NHSL1: variants seen among roughly 807,000 people sequenced by gnomAD.
NHSL1 encodes NHS-like protein 1.
NHSL1 carries 48 observed loss-of-function variants against 95.0 expected under a neutral mutation model. The ratio of observed to expected loss-of-function variants is 0.51; its 90% confidence interval spans 0.40 to 0.64. NHSL1 has a LOEUF of 0.64. Among genes scored for constraint, NHSL1 ranks in the 30% least tolerant of loss-of-function variants. The pLI is 0.00. For missense variants in NHSL1, 1,971 were observed against 2,077.7 expected, an observed-to-expected ratio of 0.95 and a Z score of 1.00; for synonymous variants, 783 against 833.9, an observed-to-expected ratio of 0.94 and a Z score of 1.05.
chr6:138,440,206 T>A (rs1025372982), intron 5 of NHSL1, among the ~76,000 whole-genome samples: 1 of 152,218 alleles, frequency 6.6e-6, no homozygotes, highest in Non-Finnish European at 1.5e-5. Flanking sequence ...GCTGGAATGC[T>A]TTAGGAAATT....
At chr6:138,448,244 G>A (rs920449136) in intron 3 of NHSL1, among the ~76,000 whole-genome samples, 3 of 152,136 alleles carry the variant, frequency 2.0e-5, no homozygotes, top group Non-Finnish European at 2.9e-5. Flanking sequence ...AGCTGGTTCT[G>A]TGACTAAGAT....
chr6:138,672,531 C>T (rs1785386417), intron 1 of NHSL1, among the ~76,000 whole-genome samples: 1 of 152,080 alleles, frequency 6.6e-6, no homozygotes, highest in African/African-American at 2.4e-5. Context: ...GTCTGTGAAG[C>T]CATCTGAGGG....
rs1344899932 is a variant in NHSL1, at chr6:138,431,217, T to C, written c.3128A>G (p.Gln1043Arg). The change falls in exon 6 of 8, where the codon CAG (glutamine) becomes CGG (arginine). Residue 1043 changes from glutamine to arginine, a missense_variant. Around this residue, in one of 3 missense-constraint regions of NHSL1, gnomAD observed 1,602 missense variants for 1,654.5 expected, o/e 0.97. Transcript: ENST00000343505. The surrounding 1 kb of genome is among the most constrained non-coding windows in gnomAD (Gnocchi z 4.0). ...CAAGGATCCCCGGGAGGATTCTGGC[T>C]GGCCAGAATTTGTGAAAGGCGGCCT... is the stretch of plus-strand genomic sequence containing the variant. ...DTRPPFTNSG[Q>R]PESSRGSLRP... 6.5e-6 allele frequency: 10 copies of C among 1,529,890 alleles called. No individual in the cohort carries two copies. In the Admixed American group the frequency reaches 1.0e-4, roughly 16 times the overall value. The allele number at this position is 1,529,890 out of a possible 1,614,324, so 94.8% of individuals were successfully genotyped here. A position where few individuals can be genotyped will look rare whatever the true frequency, so the allele number is the denominator to read the frequency against.
At chr6:138,496,441 T>C in intron 1 of NHSL1, 70 bp from the exon 2 acceptor site, 1 of 1,466,742 alleles carries the variant, frequency 6.8e-7, no homozygotes, top group South Asian at 1.2e-5. Flanking sequence ...CATCATGATG[T>C]GTTTCCATGT....
chr6:138,556,881 G>T (rs183560368), intron 1 of NHSL1, among the ~76,000 whole-genome samples: 1 of 152,164 alleles, frequency 6.6e-6, no homozygotes, highest in African/African-American at 2.4e-5. Context: ...ATAGAAATCT[G>T]GGGGATGCAA....
At chr6:138,442,985 A>G (rs1776623494) in intron 4 of NHSL1, among the ~76,000 whole-genome samples, 1 of 152,080 alleles carries the variant, frequency 6.6e-6, no homozygotes, top group Admixed American at 6.6e-5. Context: ...GACCTTTTTG[A>G]ATGGTTATTC....
chr6:138,517,277 T>C (rs1175535823), intron 1 of NHSL1, among the ~76,000 whole-genome samples: 1 of 152,238 alleles, frequency 6.6e-6, no homozygotes, highest in Admixed American at 6.5e-5. Flanking sequence ...TGGATGAATA[T>C]TTCAGTTCCT....
In NHSL1 at chr6:138,433,545, T is replaced by A. The variant is rs2128203658; in HGVS notation, c.800A>T (p.Glu267Val). 6.4e-7 allele frequency: 1 copy of A among 1,552,006 alleles called. No individual in the cohort carries two copies. Among genetic ancestry groups the A allele is most frequent in the Non-Finnish European group, 8.7e-7 (1 of 1,147,068 alleles). ...SETRDSSCQT[E>V]DVKVVPPSMR... ...GGAAGGTGGTACGACCTTCACATCC[T>A]CCGTCTGACAGCTGGAGTCCCTGGT... The change falls in exon 6 of 8, where the codon GAG (glutamate) becomes GTG (valine). Residue 267 changes from glutamate (E) to valine (V), a missense_variant. Transcript: ENST00000343505.
intron 1 of NHSL1, among the ~76,000 whole-genome samples, chr6:138,620,440 G>T (rs1463329388): frequency 6.6e-6 from 1 of 152,230 alleles, no homozygotes; most frequent in African/African-American, 2.4e-5. Context: ...AGGGTAAGGG[G>T]TAAGGACAGA....
chr6:138,464,903 G>A (rs1778258812), intron 3 of NHSL1, among the ~76,000 whole-genome samples: 1 of 151,236 alleles, frequency 6.6e-6, no homozygotes, highest in Admixed American at 6.6e-5. Context: ...AGTAGAGACA[G>A]GGTTTCACCA....
chr6:138,427,060 G>A (rs1775311769), intron 7 of NHSL1, among the ~76,000 whole-genome samples: 1 of 152,174 alleles, frequency 6.6e-6, no homozygotes, highest in South Asian at 2.1e-4. Flanking sequence ...CACTTACATG[G>A]TCTACTCCCC....
In NHSL1 at chr6:138,431,575, C is replaced by T. The variant is rs527843509; in HGVS notation, c.2770G>A (p.Val924Met). 2.1e-5 allele frequency: 32 copies of T among 1,551,332 alleles called. No individual in the cohort carries two copies. The highest frequency in any genetic ancestry group is 4.9e-5 in the East Asian group (2 of 40,890). The change falls in exon 6 of 8, where the codon GTG becomes ATG. Residue 924 changes from valine to methionine, a missense_variant. By Grantham distance (21) the Val-to-Met change is conservative. Around this residue, in one of 3 missense-constraint regions of NHSL1, gnomAD observed 1,602 missense variants for 1,654.5 expected, o/e 0.97. Transcript: ENST00000343505. This position sits in a 1 kb window ranked among gnomAD's most constrained non-coding sequence, Gnocchi z 4.0. Reference protein sequence around the residue: ...SGTMKKLDPAVGSPPAPPPPP... With the variant: ...SGTMKKLDPAMGSPPAPPPPP... ...GGAGGAGGAGCCGGGGGAGAGCCCA[C>T]GGCTGGATCCAGCTTCTTCATAGTG...
At chr6:138,525,469 A>G (rs1412689177) in intron 1 of NHSL1, among the ~76,000 whole-genome samples, 1 of 151,734 alleles carries the variant, frequency 6.6e-6, no homozygotes, top group African/African-American at 2.4e-5. Flanking sequence ...TCGAGGATGT[A>G]GTGAGCTGAA....
intron 5 of NHSL1, among the ~76,000 whole-genome samples, chr6:138,434,661 T>C (rs1407830794): frequency 3.9e-5 from 6 of 152,190 alleles, no homozygotes; most frequent in African/African-American, 1.4e-4. Flanking sequence ...CCCTATGTTA[T>C]CTCCATCCAA....
At chr6:138,612,802 T>C (rs1784531647) in intron 1 of NHSL1, among the ~76,000 whole-genome samples, 1 of 152,232 alleles carries the variant, frequency 6.6e-6, no homozygotes, top group Admixed American at 6.5e-5. Context: ...AGTGAGTTTG[T>C]GGAGTTTAAA....
chr6:138,514,495 C>T lies in NHSL1; in HGVS notation c.17-18124G>A, dbSNP rs189361575. On this transcript the variant is annotated intron_variant, in intron 1 of 4. Transcript: ENST00000342260. ...ATTTATTCCTACACATACATATCCA[C>T]GATAAAGTTTCATTTATAAATTAGG... 2.5e-3 allele frequency among the ~76,000 whole-genome samples: 380 copies of T among 152,196 alleles called. 2 individuals are homozygous for T. Among genetic ancestry groups the T allele is most frequent in the South Asian group, 1.9e-3 (9 of 4,824 alleles).
chr6:138,433,624 A>C lies in NHSL1; in HGVS notation c.721T>G (p.Tyr241Asp). 1 of 1,552,112 alleles carries C rather than the reference A, an allele frequency of 6.4e-7. No individual in the cohort carries two copies. The highest frequency in any genetic ancestry group is 8.7e-7 in the Non-Finnish European group (1 of 1,147,056). ...CTATTGAACCTTCCTAGTGTAGAGTAGTGATCAGGGGTGTACACTGAGTGG... is the reference window on the plus strand; with the variant it reads ...CTATTGAACCTTCCTAGTGTAGAGTCGTGATCAGGGGTGTACACTGAGTGG... ...DGHSVYTPDHYSTLGRFNSCR... is the reference protein window; with the variant it reads ...DGHSVYTPDHDSTLGRFNSCR... Residue 241 changes from tyrosine (Y) to aspartate (D), a missense_variant, in exon 6 of 8, where the codon TAC (tyrosine) becomes GAC (aspartate). This residue lies in a region of NHSL1 where 1,602 missense variants were observed against 1,654.5 expected (regional missense o/e 0.97). Coordinates refer to ENST00000343505, the MANE Select transcript of NHSL1 (RefSeq NM_001144060.2).
intron 1 of NHSL1, among the ~76,000 whole-genome samples, chr6:138,598,243 G>A (rs189525839): frequency 1.7e-3 from 253 of 152,248 alleles, no homozygotes; most frequent in Non-Finnish European, 3.0e-3. Flanking sequence ...TGGATCACTT[G>A]AGGCCAAGAG....
Position 138,431,344 on chromosome 6 carries a change from G to T in NHSL1, c.3001C>A (p.Leu1001Ile). 5 of 1,530,604 alleles carry T rather than the reference G, an allele frequency of 3.3e-6. No homozygotes were observed. Among genetic ancestry groups the T allele is most frequent in the Non-Finnish European group, 4.4e-6 (5 of 1,136,812 alleles). 94.8% of individuals were successfully genotyped at this position (1,530,604 alleles called of 1,614,324 possible). Residue 1001 changes from leucine to isoleucine, a missense_variant, in exon 6 of 8, where the codon CTT (leucine) becomes ATT (isoleucine). Leu to Ile is a conservative substitution (Grantham distance 5). This residue lies in a region of NHSL1 where 1,602 missense variants were observed against 1,654.5 expected (regional missense o/e 0.97). Coordinates refer to ENST00000343505, the MANE Select transcript of NHSL1 (RefSeq NM_001144060.2). This position sits in a 1 kb window ranked among gnomAD's most constrained non-coding sequence, Gnocchi z 4.0. ...SPPRPALSPI[L>I]PDSPVSLPLP... ...GGCAAGGACACAGGTGAATCTGGAA[G>T]AATGGGGCTCAGTGCAGGGCGGGGA... is the stretch of plus-strand genomic sequence containing the variant.
Sources: gnomAD v4.1 joint callset for allele counts (sites outside exome capture counted in the v4.1 genomes callset) on GRCh38, gnomAD v4.1.1 for gene constraint, gnomAD v4.1.1 regional missense constraint, Gnocchi (gnomAD v3.1) non-coding constraint, MANE v1.5 for transcripts, NCBI Gene and HGNC (gene_info 2026-07-23, HGNC 2026-07-21) for gene names.